Variants in ZNF827 observed in about 807,000 individuals in gnomAD.
The protein encoded by ZNF827 is zinc finger protein 827.
ZNF827 carries 13 observed loss-of-function variants against 102.4 expected under a neutral mutation model. The ratio of observed to expected loss-of-function variants is 0.13; its 90% CI spans 0.08 to 0.20. The LOEUF is 0.20. Ranked by LOEUF, ZNF827 falls within the 10% of genes least tolerant of loss-of-function variation. The pLI is 1.00. For synonymous variants in ZNF827, 523 were observed against 536.2 expected, an observed-to-expected ratio of 0.98 and a Z score of 0.34; for missense variants, 1,103 against 1,344.4, an observed-to-expected ratio of 0.82 and a Z score of 2.81.
At chr4:145,847,245 G>A (rs1031954189) in intron 6 of ZNF827, among the ~76,000 whole-genome samples, 3 of 152,096 alleles carry the variant, frequency 2.0e-5, no homozygotes, top group Non-Finnish European at 4.4e-5. Context: ...ATTTGAACGA[G>A]GCCTTGGTAA....
intron 8 of ZNF827, among the ~76,000 whole-genome samples, chr4:145,782,606 T>A (rs979796702): frequency 6.6e-6 from 1 of 152,196 alleles, no homozygotes; most frequent in Non-Finnish European, 1.5e-5. Flanking sequence ...AAACAGGTTC[T>A]CTGCTATCAG....
intron 3 of ZNF827, among the ~76,000 whole-genome samples, chr4:145,892,041 C>T (rs1750647539): frequency 6.6e-6 from 1 of 152,266 alleles, no homozygotes; most frequent in Non-Finnish European, 1.5e-5. Flanking sequence ...AAGGTTCTCT[C>T]TCTCTGCCTT....
At chr4:145,831,571 G>C (rs186451752) in intron 7 of ZNF827, 1 of 152,332 alleles carries the variant, frequency 6.6e-6, no homozygotes, top group East Asian at 1.9e-4. Context: ...GCTAAGATGG[G>C]TTTCCTCTCC....
chr4:145,814,485 T>C lies in ZNF827; in HGVS notation c.2383+8937A>G, dbSNP rs76126027. On this transcript the variant is annotated intron_variant, in intron 8 of 14. Transcript: ENST00000508784. ...ACTCTGAAGTGTGTATCCTACATTG[T>C]GTCCCAGAGGTCCCCAGGGAAATTA... Among the ~76,000 whole-genome samples, 11 of 152,306 alleles carry C rather than the reference T, an allele frequency of 7.2e-5. No individual in the cohort carries two copies. In the East Asian group the frequency reaches 2.1e-3, roughly 29 times the overall value.
intron 7 of ZNF827, among the ~76,000 whole-genome samples, chr4:145,830,084 T>C (rs1744060159): frequency 6.6e-6 from 1 of 152,334 alleles, no homozygotes; most frequent in South Asian, 2.1e-4. Flanking sequence ...CAAACATCTT[T>C]TGAATATGTG....
At chr4:145,842,110 A>G (rs746990878) in intron 7 of ZNF827, among the ~76,000 whole-genome samples, 11 of 152,312 alleles carry the variant, frequency 7.2e-5, no homozygotes, top group Admixed American at 1.3e-4. Context: ...ATTTTCCATT[A>G]TAAGAGTTTT....
intron 5 of ZNF827, among the ~76,000 whole-genome samples, chr4:145,868,944 CAT>C (rs1748444611): frequency 6.6e-6 from 1 of 152,150 alleles, no homozygotes; most frequent in Non-Finnish European, 1.5e-5. Context: ...CATCATTTAA[CAT>C]AGGAAGGAGA....
intron 5 of ZNF827, among the ~76,000 whole-genome samples, chr4:145,861,832 T>C (rs1747761512): frequency 6.6e-6 from 1 of 152,198 alleles, no homozygotes; most frequent in Admixed American, 6.5e-5. Flanking sequence ...AGTTCTTGCC[T>C]GGTTTCTGGG....
rs765393405 is a variant in ZNF827 at position 145,764,958 on chromosome 4, A to G, written c.3230+30T>C. ...GGGAAAGGGTATTTAATAACAACGCAGTAAAAGGTTCTGTACTTGCTTTCC... is the reference window on the plus strand; with the variant it reads ...GGGAAAGGGTATTTAATAACAACGCGGTAAAAGGTTCTGTACTTGCTTTCC... On this transcript the variant is annotated intron_variant, in intron 13 of 14. Coordinates refer to ENST00000508784, the MANE Select transcript of ZNF827 (RefSeq NM_001306215.2). The G allele has an allele frequency of 5.0e-6, 8 of 1,609,048 alleles. No homozygotes were observed. The African/African-American group carries it at 9.4e-5, about 19-fold the overall frequency.
In ZNF827 at chr4:145,882,137, C is replaced by T. The variant is rs556926817; in HGVS notation, c.1747+3541G>A. ...CAGCAGGAACTTAGCTCTCCGCAGT[C>T]GGGTGAACACCTTTTCCCTGAACAC... On this transcript the variant is annotated intron_variant, in intron 4 of 14. Coordinates refer to ENST00000508784, the MANE Select transcript of ZNF827 (RefSeq NM_001306215.2). Among the ~76,000 whole-genome samples the T allele has an allele frequency of 1.2e-4, 18 of 152,236 alleles. No individual in the cohort carries two copies. The East Asian group carries it at 3.3e-3, about 28-fold the overall frequency.
At chr4:145,910,349 G>GC (rs1351313724) in intron 1 of ZNF827, among the ~76,000 whole-genome samples, 1 of 152,244 alleles carries the variant, frequency 6.6e-6, no homozygotes, top group East Asian at 1.9e-4. Context: ...CCGAGGAACT[G>GC]CCCGTGTTCC....
chr4:145,826,817 G>A lies in ZNF827; in HGVS notation c.2280-3292C>T, dbSNP rs529280534. Among the ~76,000 whole-genome samples, 170 of 151,938 alleles carry A rather than the reference G, an allele frequency of 1.1e-3. 1 individual carries two copies. Among genetic ancestry groups the A allele is most frequent in the African/African-American group, 3.8e-3 (156 of 41,496 alleles). ...GCTGGAGTGCAATGGCGCAATCTTG[G>A]CTCACTGCAACCTCCGCCTCCTGGG... On this transcript the variant is annotated intron_variant, in intron 7 of 14. Transcript: ENST00000508784.
chr4:145,897,506 C>T (rs556590945), intron 2 of ZNF827, among the ~76,000 whole-genome samples: 42 of 152,238 alleles, frequency 2.8e-4, no homozygotes, highest in East Asian at 2.7e-3. Context: ...CTAACATTAC[C>T]GGTACACATC....
chr4:145,819,212 A>G lies in ZNF827; in HGVS notation c.2383+4210T>C, dbSNP rs1742898940. On this transcript the variant is annotated intron_variant, in intron 8 of 14. Coordinates refer to ENST00000508784, the MANE Select transcript of ZNF827 (RefSeq NM_001306215.2). ...TCTCACTCCAGGCTGCATCTGAAATAACACACGGAAGCATCGGGGACTCCA... is the reference window on the plus strand; with the variant it reads ...TCTCACTCCAGGCTGCATCTGAAATGACACACGGAAGCATCGGGGACTCCA... 2.0e-5 allele frequency among the ~76,000 whole-genome samples: 3 copies of G among 152,276 alleles called. No homozygotes were observed. The South Asian group carries it at 6.2e-4, about 32-fold the overall frequency.
At chr4:145,880,232 TA>T (rs990919404) in intron 4 of ZNF827, among the ~76,000 whole-genome samples, 3 of 151,948 alleles carry the variant, frequency 2.0e-5, no homozygotes, top group African/African-American at 4.8e-5. Flanking sequence ...AGACTCCGTC[TA>T]AAAAAAAGAA....
At chr4:145,873,862 C>T (rs751604961) in intron 4 of ZNF827, among the ~76,000 whole-genome samples, 2 of 152,128 alleles carry the variant, frequency 1.3e-5, no homozygotes, top group South Asian at 2.1e-4. Flanking sequence ...TAGTTCATCA[C>T]GACAGAGTAA....
At chr4:145,849,193 A>T in intron 6 of ZNF827, 129 bp downstream of exon 6, 1 of 1,255,192 alleles carries the variant, frequency 8.0e-7, no homozygotes, top group Non-Finnish European at 1.1e-6. Context: ...TATGCATGTT[A>T]AAGCAACAAA....
chr4:145,824,324 G>A (rs905760906), intron 7 of ZNF827, among the ~76,000 whole-genome samples: 4 of 152,154 alleles, frequency 2.6e-5, no homozygotes, highest in Non-Finnish European at 4.4e-5. Flanking sequence ...AATAAAATGT[G>A]AATAAGTACT....
At chr4:145,899,574 C>T (rs1245072450) in intron 2 of ZNF827, among the ~76,000 whole-genome samples, 1 of 152,156 alleles carries the variant, frequency 6.6e-6, no homozygotes, top group African/African-American at 2.4e-5. Flanking sequence ...CCAAGCCATG[C>T]AATAACAAAC....
Sources: allele counts gnomAD v4.1 joint callset (sites outside exome capture counted in the v4.1 genomes callset), GRCh38; gene constraint gnomAD v4.1.1; transcripts MANE v1.5; gene names NCBI Gene and HGNC (gene_info 2026-07-23, HGNC 2026-07-21).